The following CHD4 variants were observed in gnomAD, a reference collection of about 807,000 sequenced individuals.
CHD4 encodes the protein chromodomain helicase DNA binding protein 4, also known as ATP-dependent chromatin remodeler CHD4.
A neutral mutation model predicts 235.5 loss-of-function variants in CHD4; 35 were observed. That is an observed-to-expected ratio of 0.15 (90% confidence interval 0.11 to 0.20). The LOEUF is 0.20. Among genes scored for constraint, CHD4 ranks in the 10% least tolerant of loss-of-function variants. The pLI is 1.00. For synonymous variants in CHD4, 900 were observed against 850.2 expected (o/e 1.06, Z -1.02); for missense variants, 1,329 against 2,432.3 (o/e 0.55, Z 9.54).
rs1948004215 is a variant in CHD4, at chr12:6,573,015, T to C, written c.5557+59A>G. 6 of 1,493,522 alleles carry C rather than the reference T, an allele frequency of 4.0e-6. No homozygotes were observed. In the East Asian group the frequency reaches 7.3e-5, roughly 18 times the overall value. 92.5% of individuals were successfully genotyped at this position (1,493,522 alleles called of 1,614,324 possible). On this transcript the variant is annotated intron_variant, in intron 38 of 39. Coordinates refer to ENST00000544040, the MANE Select transcript of CHD4 (RefSeq NM_001273.5). ...AGTTTGAAAACAAATATATGTACATTAGGATGCAGTCAGATCAGGGAGGCC... is the reference window on the plus strand; with the variant it reads ...AGTTTGAAAACAAATATATGTACATCAGGATGCAGTCAGATCAGGGAGGCC...
chr12:6,575,292 A>G (rs779246604), intron 37 of CHD4, among the ~76,000 whole-genome samples: 1 of 152,058 alleles, frequency 6.6e-6, no homozygotes, highest in African/African-American at 2.4e-5. Context: ...TACTAAAAAT[A>G]CAAAAATTAG....
rs754911305 is a variant in CHD4, at chr12:6,578,055, G to A, written c.5202C>T (p.Asp1734=). 16 of 1,613,028 alleles carry A rather than the reference G, an allele frequency of 9.9e-6. No homozygotes were observed. The Middle Eastern group carries it at 4.9e-4, about 50-fold the overall frequency. ...TTATAATGCCGGCTAGCAGCCAGTAGTCATGCCGTCGATGCCAGATCTCAT... is the reference window on the plus strand; with the variant it reads ...TTATAATGCCGGCTAGCAGCCAGTAATCATGCCGTCGATGCCAGATCTCAT... ...KTYEIWHRRH[D]YWLLAGIINH... Residue 1734 remains aspartate (D), a synonymous_variant, in exon 36 of 40, where the codon GAC becomes GAT. Coordinates refer to ENST00000544040, the MANE Select transcript of CHD4 (RefSeq NM_001273.5).
chr12:6,583,708 G>GAGCCTT (rs1948232672), intron 25 of CHD4: 1 of 227,858 alleles, frequency 4.4e-6, no homozygotes, highest in South Asian at 1.7e-4. Context: ...AAAGAGGTCA[G>GAGCCTT]AGCCTTAGCA....
intron 33 of CHD4, 69 bp from the exon 34 acceptor site, chr12:6,578,986 C>G: frequency 7.0e-7 from 1 of 1,426,262 alleles, no homozygotes; most frequent in South Asian, 1.2e-5. Context: ...ACACTATTAT[C>G]CAATTGGATA....
intron 10 of CHD4, 60 bp downstream of exon 10, chr12:6,599,713 G>A: frequency 6.2e-7 from 1 of 1,606,210 alleles, no homozygotes; most frequent in Non-Finnish European, 8.5e-7. Flanking sequence ...CCTCACAATA[G>A]CCTACATAGA....
intron 13 of CHD4, 47 bp downstream of exon 13, chr12:6,595,956 CAAA>C (rs376930091): frequency 1.1e-3 from 1,447 of 1,300,674 alleles, no homozygotes; most frequent in Admixed American, 2.0e-3. Flanking sequence ...GACTCCATCT[CAAA>C]AAAAAAAAAA....
At chr12:6,577,026 T>A (rs1948083508) in intron 37 of CHD4, among the ~76,000 whole-genome samples, 2 of 151,836 alleles carry the variant, frequency 1.3e-5, no homozygotes, top group South Asian at 4.2e-4. Context: ...AATCTCTACC[T>A]CCCGACTTCA....
At position 6,591,886 on chromosome 12, in the gene CHD4, C is replaced by G. The variant is rs371949772; in HGVS notation, c.3090+30G>C. 6.8e-6 allele frequency: 11 copies of G among 1,613,936 alleles called. No homozygotes were observed. The African/African-American group carries it at 1.1e-4, about 16-fold the overall frequency. ...AAGCCCACATGGAGAAGACCCAACC[C>G]AGGGAGGAACAGGAGATGGCACTAC... On this transcript the variant is annotated intron_variant, in intron 20 of 39. Coordinates refer to ENST00000544040, the MANE Select transcript of CHD4 (RefSeq NM_001273.5).
rs778952479 is a variant in CHD4 at position 6,606,408 on chromosome 12, T to A, written c.-35A>T. The A allele has an allele frequency of 4.7e-6, 7 of 1,494,316 alleles. No homozygotes were observed. The African/African-American group carries it at 8.7e-5, about 18-fold the overall frequency. 92.6% of individuals were successfully genotyped at this position (1,494,316 alleles called of 1,614,324 possible). On this transcript the variant is annotated 5_prime_UTR_variant, in exon 2 of 40. Transcript: ENST00000544040. ...CTCCCGGCCAGGGAATTGGCCCAGC[T>A]GCTCCTGCCGGCGGCCTGAGGACCT... is the stretch of plus-strand genomic sequence containing the variant.
intron 12 of CHD4, 32 bp downstream of exon 12, chr12:6,597,862 G>A: frequency 6.3e-7 from 1 of 1,597,638 alleles, no homozygotes; most frequent in Non-Finnish European, 8.6e-7. Context: ...CTCCCACGGA[G>A]ACTGCCCGTC....
intron 2 of CHD4, among the ~76,000 whole-genome samples, chr12:6,605,310 TGAA>T (rs763190555): frequency 9.2e-5 from 14 of 151,818 alleles, no homozygotes; most frequent in Non-Finnish European, 2.1e-4. Context: ...CTAGAAAACA[TGAA>T]GGTCAAGGAG....
chr12:6,583,857 A>G (rs149141715), intron 25 of CHD4: 1 of 153,050 alleles, frequency 6.5e-6, no homozygotes, highest in East Asian at 1.9e-4. Context: ...AAAGAATTCT[A>G]TATAGCCTCT....
chr12:6,573,000 CAAAT>C (rs1948003485), intron 38 of CHD4, 70 bp downstream of exon 38: 1 of 1,431,840 alleles, frequency 7.0e-7, no homozygotes, highest in Non-Finnish European at 9.4e-7. Flanking sequence ...AGTTTGAAAA[CAAAT>C]ATATGTACAT....
intron 25 of CHD4, chr12:6,584,424 G>A (rs1212903630): frequency 4.6e-5 from 7 of 152,134 alleles, no homozygotes; most frequent in Non-Finnish European, 1.0e-4. Flanking sequence ...TTTTGAGAGA[G>A]GGTCTAGCTG....
chr12:6,590,272 T>G (rs1343502860), intron 22 of CHD4: 1 of 152,118 alleles, frequency 6.6e-6, no homozygotes, highest in South Asian at 2.1e-4. Context: ...AATAACTAAA[T>G]GGAACACGGG....
intron 6 of CHD4, 78 bp from the exon 7 acceptor site, chr12:6,601,131 T>C (rs1948582463): frequency 6.6e-7 from 1 of 1,524,584 alleles, no homozygotes; most frequent in Non-Finnish European, 8.8e-7. Context: ...CTAAGCTTGC[T>C]TCCCCACATT....
rs769989060 is a variant in CHD4 at position 6,599,781 on chromosome 12, G to A, written c.1474C>T (p.Arg492Cys). The A allele has an allele frequency of 5.0e-6, 8 of 1,614,142 alleles. No individual in the cohort carries two copies. The highest frequency in any genetic ancestry group is 2.5e-6 in the Non-Finnish European group (3 of 1,180,034). ...TGAGATCAGTCACTCACCGTACAAC[G>A]GGGACAGAGCCATTCACCGTTGGGG... is the stretch of plus-strand genomic sequence containing the variant. Reference protein sequence around the residue: ...EIPNGEWLCPRCTCPALKGKV... With the variant: ...EIPNGEWLCPCCTCPALKGKV... The change falls in exon 10 of 40, where the codon CGT becomes TGT. Residue 492 changes from arginine to cysteine, a missense_variant. By Grantham distance (180) the Arg-to-Cys change is radical. Around this residue, in one of 26 missense-constraint regions of CHD4, gnomAD observed 33 missense variants for 84.2 expected, o/e 0.39. Coordinates refer to ENST00000544040, the MANE Select transcript of CHD4 (RefSeq NM_001273.5).
In CHD4 at chr12:6,583,283, C is replaced by A; in HGVS notation, c.3975G>T (p.Gln1325His). 1.2e-6 allele frequency: 2 copies of A among 1,614,190 alleles called. No individual in the cohort carries two copies. The highest frequency in any genetic ancestry group is 1.7e-6 in the Non-Finnish European group (2 of 1,180,024). Residue 1325 changes from glutamine to histidine, a missense_variant, in exon 26 of 40, where the codon CAG (glutamine) becomes CAT (histidine). Transcript: ENST00000544040. ...CCAGATTTCGGGCTAGATCTTCTTG[C>A]TGCTGCTCATAATGGTGCCGCAGCA... ...EKLLRHHYEQ[Q>H]QEDLARNLGK...
chr12:6,592,108 CTAA>C, intron 19 of CHD4, 51 bp from the exon 20 acceptor site: 2 of 1,604,940 alleles, frequency 1.2e-6, no homozygotes, highest in South Asian at 1.1e-5. Context: ...CTTTCAATGA[CTAA>C]TAATGCAGTG....
Sources: allele counts gnomAD v4.1 joint callset (sites outside exome capture counted in the v4.1 genomes callset), GRCh38; gene constraint gnomAD v4.1.1; regional missense constraint gnomAD v4.1.1; transcripts MANE v1.5; gene names NCBI Gene and HGNC (gene_info 2026-07-23, HGNC 2026-07-21).